F5: variants seen among roughly 807,000 people sequenced by gnomAD.
F5 encodes coagulation factor V.
A neutral mutation model predicts 216.4 loss-of-function variants in F5; 138 were observed. That is an observed-to-expected ratio of 0.64 (90% CI 0.56 to 0.73). The LOEUF (loss-of-function observed/expected upper bound fraction) is 0.73, where lower values mean the gene tolerates loss of function less well. F5 is among the 30% of genes least tolerant of loss of function. F5 has a pLI of 0.00. For synonymous variants in F5, 916 were observed against 930.7 expected (o/e 0.98, Z 0.29); for missense variants, 2,403 against 2,674.0 (o/e 0.90, Z 2.24).
intron 13 of F5, 136 bp downstream of exon 13, chr1:169,540,158 A>G: frequency 3.4e-6 from 3 of 883,926 alleles, no homozygotes; most frequent in Non-Finnish European, 5.2e-6. Flanking sequence ...AAGGAAAAAG[A>G]ACAGGCCAAC....
At chr1:169,520,444 C>G in intron 22 of F5, 76 bp downstream of exon 22, 1 of 1,579,532 alleles carries the variant, frequency 6.3e-7, no homozygotes, top group Non-Finnish European at 8.7e-7. Flanking sequence ...ACTAAAAATT[C>G]TACTCATTCT....
Position 169,541,474 on chromosome 1 carries a change from G to C in F5, c.3616C>G (p.Pro1206Ala). The C allele has an allele frequency of 6.2e-7, 1 of 1,614,110 alleles. No homozygotes were observed. The highest frequency in any genetic ancestry group is 8.5e-7 in the Non-Finnish European group (1 of 1,180,010). Residue 1206 changes from proline (P) to alanine (A), a missense_variant, in exon 13 of 25, where the codon CCA becomes GCA. By Grantham distance (27) the Pro-to-Ala change is conservative. This residue lies in a region of F5 where 1,425 missense variants were observed against 1,554.8 expected (regional missense o/e 0.92). Transcript: ENST00000367797. The stretch of plus-strand genomic sequence containing the variant: ...GAGAGAGTCGTGTGGCTGAGGTCTG[G>C]AGAGAGGTTTGTCTGGCTGAGTTCT... ...SPELSQTNLS[P>A]DLSHTTLSPE...
intron 2 of F5, among the ~76,000 whole-genome samples, chr1:169,574,756 T>G (rs1194783771): frequency 6.6e-5 from 10 of 152,180 alleles, no homozygotes; most frequent in Non-Finnish European, 1.5e-4. Context: ...AGCATCATGA[T>G]TTAAAGTTTA....
rs757953549 is a variant in F5, at chr1:169,542,872, G to A, written c.2218C>T (p.Arg740Ter). The change falls in exon 13 of 25, where the codon CGA becomes TGA. Residue 740 changes from arginine (R) to a stop codon, truncating the protein, a stop_gained. Transcript: ENST00000367797. LOFTEE classifies it high-confidence loss of function. Reference protein sequence around the residue: ...LAAALGIRSFRNSSLNQEEEE... With the variant: ...LAAALGIRSF ...TCTTCCTGATTCAATGATGAGTTTCGGAATGACCTGATTCCTAATGCTGCA... is the reference window on the plus strand; with the variant it reads ...TCTTCCTGATTCAATGATGAGTTTCAGAATGACCTGATTCCTAATGCTGCA... The A allele has an allele frequency of 2.0e-5, 33 of 1,614,086 alleles. No homozygotes were observed. The highest frequency in any genetic ancestry group is 2.4e-5 in the Non-Finnish European group (28 of 1,179,982).
At chr1:169,583,432 TAGGGTGC>T (rs1263766451) in intron 1 of F5, among the ~76,000 whole-genome samples, 7 of 152,206 alleles carry the variant, frequency 4.6e-5, no homozygotes, top group African/African-American at 1.7e-4. Context: ...GCGCGGTGGC[TAGGGTGC>T]AGGCTGTGAA....
At position 169,555,181 on chromosome 1, in the gene F5, C is replaced by G; in HGVS notation, c.1118+1G>C. 6.2e-7 allele frequency: 1 copy of G among 1,614,112 alleles called. No individual in the cohort carries two copies. The highest frequency in any genetic ancestry group is 8.5e-7 in the Non-Finnish European group (1 of 1,179,964). ...CAGTGGTATGAACCCCAACAACTCA[C>G]TTGTCCATATTCGCTGGTATTACAG... On this transcript the variant is annotated splice_donor_variant, in intron 7 of 24. Coordinates refer to ENST00000367797, the MANE Select transcript of F5 (RefSeq NM_000130.5). LOFTEE classifies it high-confidence loss of function.
In F5 at chr1:169,536,639, G is replaced by A; in HGVS notation, c.4838C>T (p.Thr1613Ile). 17 of 1,612,544 alleles carry A rather than the reference G, an allele frequency of 1.1e-5. No individual in the cohort carries two copies. Among genetic ancestry groups the A allele is most frequent in the Non-Finnish European group, 1.4e-5 (17 of 1,178,730 alleles). ...IEDSDDIPED[T>I]TYKKVVFRKY... ...TCGAAAAACTACTTTCTTATATGTG[G>A]TATCTTCTGGAATATCATCAGAGTC... The change falls in exon 14 of 25, where the codon ACC becomes ATC. Residue 1613 changes from threonine to isoleucine, a missense_variant. This residue lies in a region of F5 where 659 missense variants were observed against 787.9 expected (regional missense o/e 0.84). Transcript: ENST00000367797.
chr1:169,554,096 A>G (rs997608275), intron 7 of F5, among the ~76,000 whole-genome samples: 6 of 152,240 alleles, frequency 3.9e-5, no homozygotes, highest in African/African-American at 1.4e-4. Context: ...TTTTAATAGA[A>G]AATACATTCA....
intron 13 of F5, among the ~76,000 whole-genome samples, chr1:169,538,630 A>C (rs1659760984): frequency 6.6e-6 from 1 of 152,240 alleles, no homozygotes; most frequent in Admixed American, 6.5e-5. Flanking sequence ...AATGGAATAC[A>C]TGCAATAACC....
intron 1 of F5, among the ~76,000 whole-genome samples, chr1:169,584,876 C>T (rs763949160): frequency 1.3e-5 from 2 of 152,164 alleles, no homozygotes; most frequent in Non-Finnish European, 2.9e-5. Flanking sequence ...GATGAGGGGA[C>T]AGAATGACCA....
At position 169,555,206 on chromosome 1, in the gene F5, G is replaced by A. The variant is rs1454903410; in HGVS notation, c.1094C>T (p.Pro365Leu). 6.2e-7 allele frequency: 1 copy of A among 1,614,046 alleles called. No individual in the cohort carries two copies. The highest frequency in any genetic ancestry group is 8.5e-7 in the Non-Finnish European group (1 of 1,179,988). ...CTTGTCCATATTCGCTGGTATTACA[G>A]GTGCATAGTCCCAAATGACTTCCTC... is the stretch of plus-strand genomic sequence containing the variant. ...AAEEVIWDYAPVIPANMDKKY... is the reference protein window; with the variant it reads ...AAEEVIWDYALVIPANMDKKY... The change falls in exon 7 of 25, where the codon CCT becomes CTT. Residue 365 changes from proline (P) to leucine (L), a missense_variant. By Grantham distance (98) the Pro-to-Leu change is moderately conservative. Transcript: ENST00000367797.
Position 169,556,649 on chromosome 1 carries a change from G to A in F5, c.949C>T (p.Gln317Ter), listed in dbSNP as rs752360108. ...GACTGTCAGGAGAGTTTCTTGCCTT[G>A]CAAATGTTTTGGGGTGAGAGAAGAT... Reference protein sequence around the residue: ...IISSLTPKHLQAGMQAYIDIK... With the variant: ...IISSLTPKHL Residue 317 changes from glutamine (Q) to a stop codon, truncating the protein, a stop_gained, in exon 6 of 25, where the codon CAA becomes TAA. Coordinates refer to ENST00000367797, the MANE Select transcript of F5 (RefSeq NM_000130.5). LOFTEE classifies it high-confidence loss of function. 2 of 1,613,912 alleles carry A rather than the reference G, an allele frequency of 1.2e-6. No individual in the cohort carries two copies. Among genetic ancestry groups the A allele is most frequent in the South Asian group, 2.2e-5 (2 of 91,066 alleles).
At position 169,515,525 on chromosome 1, in the gene F5, A is replaced by T; in HGVS notation, c.6447T>A (p.Tyr2149Ter). 1 of 1,613,662 alleles carries T rather than the reference A, an allele frequency of 6.2e-7. No individual in the cohort carries two copies. Among genetic ancestry groups the T allele is most frequent in the Non-Finnish European group, 8.5e-7 (1 of 1,179,698 alleles). ...TGTAGTGGATGGTATAGCTCTTTACATACATTTCAGAGGACAGAGACTTGC... is the reference window on the plus strand; with the variant it reads ...TGTAGTGGATGGTATAGCTCTTTACTTACATTTCAGAGGACAGAGACTTGC... Reference protein sequence around the residue: ...QGCKSLSSEMYVKSYTIHYSE... With the variant: ...QGCKSLSSEM Residue 2149 changes from tyrosine to a stop codon, truncating the protein, a stop_gained, in exon 24 of 25, where the codon TAT (tyrosine) becomes TAA (stop). Transcript: ENST00000367797. LOFTEE classifies it high-confidence loss of function.
At chr1:169,561,446 T>C (rs1372856068) in intron 3 of F5, among the ~76,000 whole-genome samples, 2 of 152,146 alleles carry the variant, frequency 1.3e-5, no homozygotes, top group African/African-American at 2.4e-5. Flanking sequence ...TCCCTACTGA[T>C]AGGAGAGGGA....
At chr1:169,553,667 A>G (rs892780450) in intron 7 of F5, among the ~76,000 whole-genome samples, 60 of 152,246 alleles carry the variant, frequency 3.9e-4, no homozygotes, top group African/African-American at 1.4e-3. Flanking sequence ...GCTTGCAGTG[A>G]GCAGAGATTG....
chr1:169,540,686 T>C lies in F5; in HGVS notation c.4404A>G (p.Glu1468=), dbSNP rs1178829758. The C allele has an allele frequency of 1.2e-6, 2 of 1,613,932 alleles. No individual in the cohort carries two copies. Among genetic ancestry groups the C allele is most frequent in the East Asian group, 2.2e-5 (1 of 44,890 alleles). ...PDLDQIFYPS[E]SSQSLLLQEF... is the part of the protein sequence containing the mutation. ...CTTGAAGAAGCAATGACTGACTAGA[T>C]TCAGAAGGGTAGAATATCTGATCAA... Residue 1468 remains glutamate (E), a synonymous_variant, in exon 13 of 25, where the codon GAA becomes GAG. Coordinates refer to ENST00000367797, the MANE Select transcript of F5 (RefSeq NM_000130.5).
At chr1:169,536,316 G>T (rs915139345) in intron 14 of F5, among the ~76,000 whole-genome samples, 190 bp downstream of exon 14, 1 of 140,498 alleles carries the variant, frequency 7.1e-6, no homozygotes, top group South Asian at 2.3e-4. Flanking sequence ...TAAAAAATGA[G>T]ATCTTTTTTT....
At chr1:169,586,113 T>C (rs578212734) in intron 1 of F5, 116 bp downstream of exon 1, 2 of 1,175,928 alleles carry the variant, frequency 1.7e-6, no homozygotes, top group Non-Finnish European at 2.4e-6. Flanking sequence ...ATTAGTTATA[T>C]TTACTTACCT....
At chr1:169,529,889 A>G (rs567967905) in intron 15 of F5, 71 bp from the exon 16 acceptor site, 3 of 1,329,676 alleles carry the variant, frequency 2.3e-6, no homozygotes, top group South Asian at 2.4e-5. Context: ...ATCACTCATC[A>G]TATAGAAAAG....
Sources: gnomAD v4.1 joint callset for allele counts (sites outside exome capture counted in the v4.1 genomes callset) on GRCh38, gnomAD v4.1.1 for gene constraint, gnomAD v4.1.1 regional missense constraint, MANE v1.5 for transcripts, NCBI Gene and HGNC (gene_info 2026-07-23, HGNC 2026-07-21) for gene names.